Variants in DET1 observed in about 807,000 individuals in gnomAD.
DET1 encodes DET1 homolog.
In DET1, 22 loss-of-function variants were observed where a neutral mutation model predicts 43.7. That is an observed-to-expected ratio of 0.50 (90% confidence interval 0.36 to 0.72). The LOEUF (loss-of-function observed/expected upper bound fraction) is 0.72, where lower values mean the gene tolerates loss of function less well. Ranked by LOEUF, DET1 falls within the 30% of genes least tolerant of loss-of-function variation. The probability of loss-of-function intolerance (pLI) is 0.00; values close to 1 mark genes in which losing one functional copy is unlikely to be tolerated. For synonymous variants in DET1, 315 were observed against 266.2 expected, an observed-to-expected ratio of 1.18 and a Z score of -1.79; for missense variants, 713 against 713.3, an observed-to-expected ratio of 1.00 and a Z score of 0.00.
At chr15:88,543,793 C>G (rs2057175343) in intron 1 of DET1, among the ~76,000 whole-genome samples, 4 of 152,182 alleles carry the variant, frequency 2.6e-5, no homozygotes, top group Admixed American at 1.3e-4. Flanking sequence ...AGCCATCTAC[C>G]AGAAGCGTGG....
intron 3 of DET1, among the ~76,000 whole-genome samples, chr15:88,518,289 A>G (rs1347247469): frequency 2.0e-5 from 3 of 152,120 alleles, no homozygotes; most frequent in African/African-American, 7.2e-5. Context: ...ATTCTTCTGG[A>G]AATTTACCCT....
intron 1 of DET1, among the ~76,000 whole-genome samples, chr15:88,532,475 T>C (rs1275336595): frequency 6.6e-6 from 1 of 152,188 alleles, no homozygotes; most frequent in Non-Finnish European, 1.5e-5. Flanking sequence ...AAAATTCATA[T>C]GGTATCTCAA....
At chr15:88,524,243 CCGCCCCA>C (rs1249327024) in intron 3 of DET1, among the ~76,000 whole-genome samples, 62 of 151,582 alleles carry the variant, frequency 4.1e-4, no homozygotes, top group Admixed American at 1.6e-3. Context: ...CTCTGCCTGG[CCGCCCCA>C]TCTGAGAAGT....
chr15:88,512,559 G>T lies in DET1; in HGVS notation c.*392C>A. On this transcript the variant is annotated 3_prime_UTR_variant, in exon 5 of 5. Transcript: ENST00000268148. ...TATGAGCTAAATGGAAAGGATGTATGTCATTCTCATCAGTAAACAAGATTT... is the reference window on the plus strand; with the variant it reads ...TATGAGCTAAATGGAAAGGATGTATTTCATTCTCATCAGTAAACAAGATTT... 1.0e-6 allele frequency: 1 copy of T among 1,001,604 alleles called. No individual in the cohort carries two copies. The highest frequency in any genetic ancestry group is 1.7e-5 in the African/African-American group (1 of 57,888). The allele number at this position is 1,001,604 out of a possible 1,614,324, so 62.0% of individuals were successfully genotyped here.
chr15:88,518,988 C>T (rs968076514), intron 3 of DET1, among the ~76,000 whole-genome samples: 3 of 152,010 alleles, frequency 2.0e-5, no homozygotes, highest in African/African-American at 7.2e-5. Context: ...TTATTTTTTC[C>T]CTTTCATTTG....
intron 1 of DET1, among the ~76,000 whole-genome samples, chr15:88,543,000 G>A (rs2057151939): frequency 6.6e-6 from 1 of 152,230 alleles, no homozygotes; most frequent in Non-Finnish European, 1.5e-5. Context: ...GGTTTGCGGA[G>A]ATTGCAAAGC....
downstream of DET1, among the ~76,000 whole-genome samples, chr15:88,509,845 A>G (rs577913509): frequency 5.3e-5 from 8 of 152,316 alleles, no homozygotes; most frequent in African/African-American, 1.4e-4. Context: ...TGTGATCCTA[A>G]TGGAGAGTCT....
chr15:88,524,150 C>T (rs972575972), intron 3 of DET1, among the ~76,000 whole-genome samples: 18 of 150,316 alleles, frequency 1.2e-4, no homozygotes, highest in African/African-American at 3.7e-4. Flanking sequence ...ATGTAAGGAG[C>T]GCCTCTGTCC....
At chr15:88,514,943 A>G (rs1024568854) in intron 4 of DET1, among the ~76,000 whole-genome samples, 5 of 152,176 alleles carry the variant, frequency 3.3e-5, no homozygotes, top group Non-Finnish European at 7.4e-5. Flanking sequence ...GGAGAGAGAA[A>G]TGTATCTCAT....
Position 88,530,927 on chromosome 15 carries a change from C to T in DET1, c.779G>A (p.Cys260Tyr), listed in dbSNP as rs1435001535. ...CACAGTGAGCAGGTCATCCTCATAG[C>T]AAAAGCGGCCAATGGTCCGCACATC... ...FIDVRTIGRFCYEDDLLTVSA... is the reference protein window; with the variant it reads ...FIDVRTIGRFYYEDDLLTVSA... The change falls in exon 2 of 5, where the codon TGC (cysteine) becomes TAC (tyrosine). Residue 260 changes from cysteine (C) to tyrosine (Y), a missense_variant. Transcript: ENST00000268148. 1 of 1,613,904 alleles carries T rather than the reference C, an allele frequency of 6.2e-7. No individual in the cohort carries two copies. Among genetic ancestry groups the T allele is most frequent in the Non-Finnish European group, 8.5e-7 (1 of 1,179,910 alleles).
At chr15:88,528,657 A>G (rs2056731991) in intron 2 of DET1, among the ~76,000 whole-genome samples, 1 of 152,176 alleles carries the variant, frequency 6.6e-6, no homozygotes, top group Non-Finnish European at 1.5e-5. Flanking sequence ...AGAACCCCTA[A>G]TTTTTGTTAC....
intron 3 of DET1, among the ~76,000 whole-genome samples, chr15:88,521,030 C>T (rs1177219908): frequency 4.6e-5 from 7 of 152,212 alleles, no homozygotes; most frequent in Admixed American, 1.3e-4. Flanking sequence ...ATGACACAAT[C>T]TACCTCATCT....
chr15:88,506,757 C>T (rs1239525026), intron 7 of DET1, among the ~76,000 whole-genome samples: 2 of 152,154 alleles, frequency 1.3e-5, no homozygotes, highest in African/African-American at 2.4e-5. Context: ...TCTGCAAGGG[C>T]TCCAAATGAA....
chr15:88,511,432 C>T, downstream of DET1: 10 of 985,480 alleles, frequency 1.0e-5, no homozygotes, highest in Non-Finnish European at 1.2e-5. Flanking sequence ...GCTTATTTAC[C>T]ATTTTCATAC....
At chr15:88,538,608 G>A (rs910522493) in intron 1 of DET1, among the ~76,000 whole-genome samples, 3 of 152,120 alleles carry the variant, frequency 2.0e-5, no homozygotes, top group African/African-American at 7.2e-5. Context: ...TAGTCTCAAA[G>A]TGTGGCGTTT....
At chr15:88,532,200 GGCTGAAGTGGAAGGATTGTTTAA>G (rs2056833376) in intron 1 of DET1, among the ~76,000 whole-genome samples, 1 of 152,160 alleles carries the variant, frequency 6.6e-6, no homozygotes, top group African/African-American at 2.4e-5. Context: ...CTACTTGAGA[GGCTGAAGTGGAAGGATTGTTTAA>G]GCTTGGATCA....
intron 1 of DET1, chr15:88,536,280 T>A: frequency 1.3e-6 from 1 of 767,208 alleles, no homozygotes; most frequent in East Asian, 2.4e-5. Flanking sequence ...TTATTAATGG[T>A]CTTTATCTCT....
chr15:88,523,780 C>T (rs1233742147), intron 3 of DET1, among the ~76,000 whole-genome samples: 19 of 152,002 alleles, frequency 1.2e-4, no homozygotes, highest in Admixed American at 6.5e-4. Context: ...GCGTGATCTC[C>T]GCTCGCTACA....
intron 1 of DET1, among the ~76,000 whole-genome samples, chr15:88,533,356 C>G (rs1002182616): frequency 3.3e-5 from 5 of 152,122 alleles, no homozygotes; most frequent in Admixed American, 1.3e-4. Context: ...AATAGTACAG[C>G]TACTAAGGAA....
Sources: allele counts gnomAD v4.1 joint callset (sites outside exome capture counted in the v4.1 genomes callset), GRCh38; gene constraint gnomAD v4.1.1; transcripts MANE v1.5; gene names NCBI Gene and HGNC (gene_info 2026-07-23, HGNC 2026-07-21).